Variants in SLC25A26 observed in about 807,000 individuals in gnomAD.
SLC25A26 encodes solute carrier family 25 member 26.
SLC25A26 carries 36 observed loss-of-function variants against 37.8 expected under a neutral mutation model. That is an observed-to-expected ratio of 0.95 (90% CI 0.73 to 1.26). The LOEUF is 1.26. SLC25A26 is among the 50% of genes most tolerant of loss of function. SLC25A26 has a pLI of 0.00. For synonymous variants in SLC25A26, 129 were observed against 122.5 expected (o/e 1.05, Z -0.35); for missense variants, 390 against 331.1 (o/e 1.18, Z -1.38).
At chr3:66,273,609 A>G (rs887037487) in intron 5 of SLC25A26, among the ~76,000 whole-genome samples, 15 of 152,170 alleles carry the variant, frequency 9.9e-5, no homozygotes, top group African/African-American at 3.6e-4. Context: ...TACACCAATA[A>G]TAGACAGAGA....
chr3:66,185,859 A>T (rs1460298758), intron 1 of SLC25A26, among the ~76,000 whole-genome samples: 1 of 152,024 alleles, frequency 6.6e-6, no homozygotes, highest in Non-Finnish European at 1.5e-5. Context: ...TTTGAACTAG[A>T]CTTTTACTTT....
chr3:66,264,386 C>T (rs2073661905), intron 5 of SLC25A26, among the ~76,000 whole-genome samples: 1 of 152,154 alleles, frequency 6.6e-6, no homozygotes, highest in South Asian at 2.1e-4. Flanking sequence ...ACAGGGACCC[C>T]AACCCCAGGG....
chr3:66,251,974 A>G (rs2073102487), intron 3 of SLC25A26, among the ~76,000 whole-genome samples: 1 of 94,132 alleles, frequency 1.1e-5, no homozygotes. Flanking sequence ...ATAGAACACA[A>G]TTAAGTTGAG....
intron 4 of SLC25A26, 80 bp from the exon 5 acceptor site, chr3:66,263,252 A>C: frequency 1.1e-6 from 1 of 931,812 alleles, no homozygotes; most frequent in Admixed American, 2.0e-5. Flanking sequence ...AAACAAGAGC[A>C]GGTAGATCTG....
intron 3 of SLC25A26, among the ~76,000 whole-genome samples, chr3:66,255,547 A>C (rs912322903): frequency 4.6e-5 from 7 of 151,282 alleles, no homozygotes; most frequent in African/African-American, 1.7e-4. Flanking sequence ...TTTTAGATAG[A>C]ACTTTAACAT....
chr3:66,171,306 AGT>A (rs1256006719), intron 1 of SLC25A26, among the ~76,000 whole-genome samples: 1 of 152,140 alleles, frequency 6.6e-6, no homozygotes, highest in African/African-American at 2.4e-5. Flanking sequence ...ATGTGAGTGG[AGT>A]CCTCACATCT....
intron 3 of SLC25A26, among the ~76,000 whole-genome samples, chr3:66,253,584 A>G (rs888974982): frequency 1.3e-5 from 2 of 152,132 alleles, no homozygotes; most frequent in African/African-American, 4.8e-5. Context: ...CCTAGAAAGC[A>G]GGAAGTCAAC....
intron 1 of SLC25A26, among the ~76,000 whole-genome samples, chr3:66,135,818 T>A (rs2069938042): frequency 6.6e-6 from 1 of 152,136 alleles, no homozygotes; most frequent in South Asian, 2.1e-4. Context: ...AGTCTTAACA[T>A]AAGTATAAGG....
chr3:66,350,879 A>G (rs2107758507), intron 6 of SLC25A26, among the ~76,000 whole-genome samples: 1 of 152,102 alleles, frequency 6.6e-6, no homozygotes, highest in South Asian at 2.1e-4. Flanking sequence ...TCAAATCTCA[A>G]TTCAGTGTTT....
chr3:66,307,714 A>T (rs2075266802), intron 5 of SLC25A26, among the ~76,000 whole-genome samples: 1 of 152,242 alleles, frequency 6.6e-6, no homozygotes, highest in Non-Finnish European at 1.5e-5. Flanking sequence ...AGTTTTCTGC[A>T]TATGGCTAGC....
At chr3:66,306,359 A>C (rs1344748629) in intron 5 of SLC25A26, among the ~76,000 whole-genome samples, 1 of 137,634 alleles carries the variant, frequency 7.3e-6, no homozygotes, top group Non-Finnish European at 1.5e-5. Context: ...TCATTTCTCT[A>C]ATCAGTGATG....
chr3:66,141,702 C>T (rs1370034220), intron 1 of SLC25A26, among the ~76,000 whole-genome samples: 1 of 152,112 alleles, frequency 6.6e-6, no homozygotes, highest in Non-Finnish European at 1.5e-5. Flanking sequence ...TTATTAGAGA[C>T]AGGGTTTCAC....
chr3:66,368,317 C>T (rs1425353408), intron 7 of SLC25A26, among the ~76,000 whole-genome samples: 1 of 152,144 alleles, frequency 6.6e-6, no homozygotes. Flanking sequence ...AGGGCCTCTT[C>T]GGATTTAGAA....
intron 5 of SLC25A26, among the ~76,000 whole-genome samples, chr3:66,309,793 G>T (rs1022617875): frequency 6.6e-6 from 1 of 151,264 alleles, no homozygotes; most frequent in Admixed American, 6.6e-5. Context: ...GGTTGTTTCC[G>T]TGTAGTTGCG....
At chr3:66,329,774 T>A (rs565390322) in intron 5 of SLC25A26, among the ~76,000 whole-genome samples, 11 of 152,320 alleles carry the variant, frequency 7.2e-5, no homozygotes, top group African/African-American at 2.4e-4. Flanking sequence ...GCTCCATCAC[T>A]GTTACCTCGA....
chr3:66,370,634 C>T (rs1287888685), intron 9 of SLC25A26, 32 bp downstream of exon 9: 4 of 1,564,192 alleles, frequency 2.6e-6, no homozygotes, highest in Non-Finnish European at 3.5e-6. Context: ...TTCCTTTCTT[C>T]CTCTCCACCA....
chr3:66,371,123 T>G (rs1445788653), intron 9 of SLC25A26: 9 of 1,414,456 alleles, frequency 6.4e-6, no homozygotes, highest in Non-Finnish European at 8.3e-6. Context: ...ATTAAAACAT[T>G]GCTTTGACAC....
intron 1 of SLC25A26, among the ~76,000 whole-genome samples, chr3:66,204,283 G>A (rs1435282034): frequency 7.9e-5 from 12 of 151,794 alleles, no homozygotes; most frequent in Admixed American, 7.9e-4. Context: ...AAAATTAGCC[G>A]GGCGTAGTGG....
At chr3:66,371,881 G>T (rs572344678) in intron 9 of SLC25A26, among the ~76,000 whole-genome samples, 41 of 152,278 alleles carry the variant, frequency 2.7e-4, no homozygotes, top group African/African-American at 8.4e-4. Flanking sequence ...AGGGTCGCTC[G>T]AAGTTAGGAG....
Sources: allele counts gnomAD v4.1 joint callset (sites outside exome capture counted in the v4.1 genomes callset), GRCh38; gene constraint gnomAD v4.1.1; transcripts MANE v1.5; gene names NCBI Gene and HGNC (gene_info 2026-07-23, HGNC 2026-07-21).